Variants in HIVEP2 observed in about 807,000 individuals in gnomAD.
HIVEP2 encodes the protein transcription factor HIVEP2.
A neutral mutation model predicts 180.7 loss-of-function variants in HIVEP2; 14 were observed. The ratio of observed to expected loss-of-function variants is 0.08; its 90% confidence interval spans 0.05 to 0.12. The LOEUF (loss-of-function observed/expected upper bound fraction) is 0.12, where lower values mean the gene tolerates loss of function less well. Among genes scored for constraint, HIVEP2 ranks in the 10% least tolerant of loss-of-function variants. The pLI is 1.00. For missense variants in HIVEP2, 2,579 were observed against 3,008.5 expected, an observed-to-expected ratio of 0.86 and a Z score of 3.34; for synonymous variants, 1,184 against 1,136.4, an observed-to-expected ratio of 1.04 and a Z score of -0.84.
chr6:142,818,732 GAAAA>G (rs1776927093), intron 2 of HIVEP2, among the ~76,000 whole-genome samples: 1 of 40,738 alleles, frequency 2.5e-5, no homozygotes. Flanking sequence ...AAGAAAGAAA[GAAAA>G]GAAAGAAAGA....
chr6:142,906,095 T>G (rs1329640901), intron 1 of HIVEP2, among the ~76,000 whole-genome samples: 1 of 152,100 alleles, frequency 6.6e-6, no homozygotes, highest in Non-Finnish European at 1.5e-5. Context: ...GATGGCACCA[T>G]TGCACTCCAG....
chr6:142,838,139 G>A (rs546634457), intron 1 of HIVEP2, among the ~76,000 whole-genome samples: 1 of 151,996 alleles, frequency 6.6e-6, no homozygotes, highest in African/African-American at 2.4e-5. Flanking sequence ...AGTTGCTCCA[G>A]AAAAGAACAA....
intron 3 of HIVEP2, among the ~76,000 whole-genome samples, chr6:142,781,771 C>A (rs555683887): frequency 6.6e-6 from 1 of 152,072 alleles, no homozygotes; most frequent in East Asian, 1.9e-4. Flanking sequence ...AAATAATTTC[C>A]CCAGACAGGG....
At chr6:142,920,813 T>G (rs1361809403) in intron 1 of HIVEP2, among the ~76,000 whole-genome samples, 1 of 151,868 alleles carries the variant, frequency 6.6e-6, no homozygotes, top group African/African-American at 2.4e-5. Flanking sequence ...GAGAACCCAT[T>G]TCTACAAAAA....
At position 142,753,292 on chromosome 6, in the gene HIVEP2, G is replaced by T. The variant is rs1341357431; in HGVS notation, c.7156C>A (p.His2386Asn). 6.2e-7 allele frequency: 1 copy of T among 1,614,074 alleles called. No homozygotes were observed. Among genetic ancestry groups the T allele is most frequent in the South Asian group, 1.1e-5 (1 of 91,084 alleles). ...TTTTCACCATCATGCAAGTCAGGGTGGGTGGCTGAGGTACAGGGCTGACCT... is the reference window on the plus strand; with the variant it reads ...TTTTCACCATCATGCAAGTCAGGGTTGGTGGCTGAGGTACAGGGCTGACCT... Reference protein sequence around the residue: ...EPGQPCTSATHPDLHDGEKDN... With the variant: ...EPGQPCTSATNPDLHDGEKDN... Residue 2386 changes from histidine (H) to asparagine (N), a missense_variant, in exon 10 of 10, where the codon CAC (histidine) becomes AAC (asparagine). This residue lies in a region of HIVEP2 where 660 missense variants were observed against 731.7 expected (regional missense o/e 0.90). Coordinates refer to ENST00000367603, the MANE Select transcript of HIVEP2 (RefSeq NM_006734.4).
intron 1 of HIVEP2, among the ~76,000 whole-genome samples, chr6:142,888,490 G>C (rs139324384): frequency 6.6e-6 from 1 of 152,170 alleles, no homozygotes; most frequent in African/African-American, 2.4e-5. Flanking sequence ...TTGTTTAATA[G>C]TGACATTTTT....
Position 142,771,084 on chromosome 6 carries a change from G to A in HIVEP2, c.3655C>T (p.Pro1219Ser), listed in dbSNP as rs755873671. 3 of 1,614,038 alleles carry A rather than the reference G, an allele frequency of 1.9e-6. No homozygotes were observed. Among genetic ancestry groups the A allele is most frequent in the Non-Finnish European group, 2.5e-6 (3 of 1,180,036 alleles). ...TGCCACCAGGGAGGCTGCTGAGCTG[G>A]TAAATGAACCATACAAACTGTAGGA... ...QYPTVCMVHL[P>S]AQQPPWWQAH... is the part of the protein sequence containing the mutation. Residue 1219 changes from proline to serine, a missense_variant, in exon 5 of 10, where the codon CCA becomes TCA. By Grantham distance (74) the Pro-to-Ser change is moderately conservative. Around this residue, in one of 11 missense-constraint regions of HIVEP2, gnomAD observed 523 missense variants for 577.0 expected, o/e 0.91. Coordinates refer to ENST00000367603, the MANE Select transcript of HIVEP2 (RefSeq NM_006734.4). The surrounding 1 kb of genome is among the most constrained non-coding windows in gnomAD (Gnocchi z 5.4).
At chr6:142,794,480 C>T (rs143525127) in intron 2 of HIVEP2, among the ~76,000 whole-genome samples, 1 of 152,212 alleles carries the variant, frequency 6.6e-6, no homozygotes, top group Non-Finnish European at 1.5e-5. Context: ...GTATTGATTC[C>T]AAGAGAAGAA....
intron 1 of HIVEP2, among the ~76,000 whole-genome samples, chr6:142,902,778 A>G (rs1213748691): frequency 6.6e-6 from 1 of 152,184 alleles, no homozygotes; most frequent in African/African-American, 2.4e-5. Context: ...TGATACTACA[A>G]TGCTCAGGAA....
intron 1 of HIVEP2, among the ~76,000 whole-genome samples, chr6:142,861,451 CTA>C (rs1369121522): frequency 6.6e-6 from 1 of 152,146 alleles, no homozygotes; most frequent in Non-Finnish European, 1.5e-5. Context: ...ATTGGAGGAA[CTA>C]TAAGCAAAAT....
chr6:142,831,661 A>G (rs2114863863), intron 2 of HIVEP2, among the ~76,000 whole-genome samples: 1 of 152,340 alleles, frequency 6.6e-6, no homozygotes. Context: ...AACAAGGAGA[A>G]TGAGACCTCC....
intron 2 of HIVEP2, among the ~76,000 whole-genome samples, chr6:142,792,101 T>G (rs1776151664): frequency 6.6e-6 from 1 of 151,740 alleles, no homozygotes; most frequent in Admixed American, 6.6e-5. Context: ...CACACTGAGG[T>G]GATGGTGGTG....
intron 1 of HIVEP2, among the ~76,000 whole-genome samples, chr6:142,909,899 CTT>C (rs1352764734): frequency 1.3e-5 from 2 of 152,196 alleles, no homozygotes; most frequent in South Asian, 2.1e-4. Context: ...CCCCTGCACT[CTT>C]GTTTCCTCCA....
chr6:142,901,608 T>C (rs951931803), intron 1 of HIVEP2, among the ~76,000 whole-genome samples: 1 of 152,218 alleles, frequency 6.6e-6, no homozygotes, highest in African/African-American at 2.4e-5. Flanking sequence ...ATCAGTGATT[T>C]GACTTCTGCA....
chr6:142,795,340 GA>G (rs1004469445), intron 2 of HIVEP2, among the ~76,000 whole-genome samples: 7 of 151,536 alleles, frequency 4.6e-5, no homozygotes, highest in Admixed American at 1.3e-4. Context: ...TCACTGAAGG[GA>G]AAAAATTTGC....
chr6:142,775,080 C>A lies in HIVEP2; in HGVS notation c.-342G>T. 9.8e-7 allele frequency: 1 copy of A among 1,025,474 alleles called. No homozygotes were observed. The highest frequency in any genetic ancestry group is 1.2e-6 in the Non-Finnish European group (1 of 856,484). The allele number at this position is 1,025,474 out of a possible 1,614,324, so 63.5% of individuals were successfully genotyped here. On this transcript the variant is annotated 5_prime_UTR_variant, in exon 5 of 10. An upstream open reading frame in the 5' UTR loses its in-frame stop. Transcript: ENST00000367603. ...ATAGTCTAGGAGAAATTTTGCCCAT[C>A]AACTAGAGCAAAGTTCAATTGCCAG...
chr6:142,931,873 C>A (rs987396126), intron 1 of HIVEP2, among the ~76,000 whole-genome samples: 3 of 152,162 alleles, frequency 2.0e-5, no homozygotes, highest in Admixed American at 2.0e-4. Flanking sequence ...GAATATGAGT[C>A]CTTAGACCAT....
chr6:142,796,074 A>AG (rs1186230212), intron 2 of HIVEP2, among the ~76,000 whole-genome samples: 1 of 56,300 alleles, frequency 1.8e-5, no homozygotes, highest in African/African-American at 5.0e-5. Flanking sequence ...AGTAGTAGAT[A>AG]TATTGCTGTT....
intron 1 of HIVEP2, among the ~76,000 whole-genome samples, chr6:142,847,552 C>T (rs1562262762): frequency 6.6e-6 from 1 of 152,200 alleles, no homozygotes; most frequent in Non-Finnish European, 1.5e-5. Flanking sequence ...GCAATTAACA[C>T]TTAGCAGGAC....
Sources: gnomAD v4.1 joint callset for allele counts (sites outside exome capture counted in the v4.1 genomes callset) on GRCh38, gnomAD v4.1.1 for gene constraint, gnomAD v4.1.1 regional missense constraint, Gnocchi (gnomAD v3.1) non-coding constraint, MANE v1.5 for transcripts, NCBI Gene and HGNC (gene_info 2026-07-23, HGNC 2026-07-21) for gene names.